STPG2: variants seen among roughly 807,000 people sequenced by gnomAD.
STPG2 encodes sperm tail PG-rich repeat containing 2, also known as sperm-tail PG-rich repeat-containing protein 2.
Under a neutral mutation model 54.2 loss-of-function variants are expected in STPG2, and 56 were observed. The observed-to-expected ratio is 1.03, with a 90% CI of 0.83 to 1.29. The LOEUF is 1.29. Ranked by LOEUF, STPG2 falls within the 50% of genes most tolerant of loss-of-function variation. STPG2 has a pLI of 0.00. For synonymous variants in STPG2, 200 were observed against 181.8 expected (o/e 1.10, Z -0.81); for missense variants, 596 against 544.9 (o/e 1.09, Z -0.93).
chr4:97,746,416 A>T (rs1180592455), intron 9 of STPG2, among the ~76,000 whole-genome samples: 1 of 151,304 alleles, frequency 6.6e-6, no homozygotes, highest in Non-Finnish European at 1.5e-5. Flanking sequence ...TCACAATGTG[A>T]TTATCTGACT....
At chr4:98,083,984 G>A (rs1307892257) in intron 5 of STPG2, among the ~76,000 whole-genome samples, 1 of 152,032 alleles carries the variant, frequency 6.6e-6, no homozygotes, top group African/African-American at 2.4e-5. Context: ...CTCCCAAGCA[G>A]CTGAGACTAC....
intron 9 of STPG2, among the ~76,000 whole-genome samples, chr4:97,819,551 T>C (rs537928644): frequency 2.0e-5 from 3 of 152,248 alleles, no homozygotes; most frequent in African/African-American, 7.2e-5. Context: ...CAGTACCTGA[T>C]AGGTTAAGCC....
At chr4:97,988,797 G>T (rs112186264) in intron 5 of STPG2, among the ~76,000 whole-genome samples, 3 of 152,262 alleles carry the variant, frequency 2.0e-5, no homozygotes, top group African/African-American at 7.2e-5. Flanking sequence ...GTAGAGATGG[G>T]TTTTTGCCAT....
intron 10 of STPG2, among the ~76,000 whole-genome samples, chr4:97,695,135 G>A (rs968614384): frequency 3.4e-5 from 5 of 146,326 alleles, no homozygotes; most frequent in South Asian, 2.2e-4. Context: ...ATATAAAAAA[G>A]ATAATCCACC....
At position 97,962,621 on chromosome 4, in the gene STPG2, T is replaced by C. The variant is rs558912267; in HGVS notation, c.933+9659A>G. 2.6e-5 allele frequency among the ~76,000 whole-genome samples: 4 copies of C among 152,308 alleles called. No individual in the cohort carries two copies. In the East Asian group the frequency reaches 7.7e-4, roughly 29 times the overall value. On this transcript the variant is annotated intron_variant, in intron 7 of 10. Coordinates refer to ENST00000295268, the MANE Select transcript of STPG2 (RefSeq NM_174952.3). The stretch of plus-strand genomic sequence containing the variant: ...GATAGTTTTAAATTGTCAACAAGAA[T>C]AGCAAATTTACTGAGTCCTTACTGT...
rs796900264 is a variant in STPG2, at chr4:98,130,370, G to T, written c.223-1778C>A. 1.8e-4 allele frequency among the ~76,000 whole-genome samples: 28 copies of T among 152,056 alleles called. 1 individual carries two copies. Among genetic ancestry groups the T allele is most frequent in the African/African-American group, 6.0e-4 (25 of 41,480 alleles). On this transcript the variant is annotated intron_variant, in intron 2 of 10. Coordinates refer to ENST00000295268, the MANE Select transcript of STPG2 (RefSeq NM_174952.3). ...TTTGTAGTTTTTTAGTAGAGACAGG[G>T]TTTCACCATGTTGGCCTGGCTAGTC...
chr4:97,476,578 G>A (rs1482044268), intron 4 of STPG2, among the ~76,000 whole-genome samples: 1 of 152,094 alleles, frequency 6.6e-6, no homozygotes, highest in African/African-American at 2.4e-5. Flanking sequence ...GGATATCACT[G>A]TATCCATCCA....
At chr4:97,923,617 A>G (rs1183948457) in intron 8 of STPG2, among the ~76,000 whole-genome samples, 1 of 152,182 alleles carries the variant, frequency 6.6e-6, no homozygotes, top group Non-Finnish European at 1.5e-5. Flanking sequence ...AAGGTTTGTA[A>G]ATGCACCAAT....
intron 10 of STPG2, among the ~76,000 whole-genome samples, chr4:97,634,939 T>A (rs922541383): frequency 6.6e-6 from 1 of 152,146 alleles, no homozygotes; most frequent in Admixed American, 6.5e-5. Flanking sequence ...CAGGAGAATT[T>A]CCCCAATCTA....
At chr4:97,810,718 A>T (rs904382068) in intron 9 of STPG2, among the ~76,000 whole-genome samples, 2 of 152,142 alleles carry the variant, frequency 1.3e-5, no homozygotes, top group African/African-American at 4.8e-5. Flanking sequence ...CATGCATCTC[A>T]TAATGACAAT....
chr4:97,592,717 G>A (rs1191661989), intron 10 of STPG2, among the ~76,000 whole-genome samples: 1 of 152,098 alleles, frequency 6.6e-6, no homozygotes, highest in African/African-American at 2.4e-5. Context: ...GGGCTACTGT[G>A]CACCAGAACT....
intron 9 of STPG2, 129 bp from the exon 10 acceptor site, chr4:97,712,943 T>G (rs1264275002): frequency 5.7e-5 from 30 of 523,116 alleles, no homozygotes. Flanking sequence ...CCCATTGTTT[T>G]TGAATGCTTA....
rs1360314026 is a variant in STPG2, at chr4:98,134,199, TTATTTTC to T, written c.222+141_222+147del. ...ATCATGCAACCAACATTGAATAAATTTATTTTCTATTATTCAAATTATAAAATATAAA... is the reference window on the plus strand; with the variant it reads ...ATCATGCAACCAACATTGAATAAATTTATTATTCAAATTATAAAATATAAA... On this transcript the variant is annotated intron_variant, in intron 2 of 10. Transcript: ENST00000295268. 6.3e-5 allele frequency: 23 copies of T among 366,368 alleles called. No individual in the cohort carries two copies. The East Asian group carries it at 1.0e-3, about 16-fold the overall frequency. The allele number at this position is 366,368 out of a possible 1,614,324, so 22.7% of individuals were successfully genotyped here.
rs1303002728 is a variant in STPG2, at chr4:98,124,772, T to C, written c.387+3656A>G. On this transcript the variant is annotated intron_variant, in intron 3 of 10. Transcript: ENST00000295268. ...TAGGATGATATCCCAAGGTATGTTT[T>C]CCAACTTGGTTCCATTCTCCCCATC... 2.0e-5 allele frequency among the ~76,000 whole-genome samples: 3 copies of C among 152,346 alleles called. No homozygotes were observed. The East Asian group carries it at 5.8e-4, about 29-fold the overall frequency.
intron 9 of STPG2, among the ~76,000 whole-genome samples, chr4:97,746,629 G>C (rs893581405): frequency 1.3e-5 from 2 of 151,200 alleles, no homozygotes; most frequent in Admixed American, 6.6e-5. Flanking sequence ...AATCTAGTCA[G>C]CTAAATCACA....
chr4:97,803,715 A>G (rs889692592), intron 9 of STPG2, among the ~76,000 whole-genome samples: 1 of 152,030 alleles, frequency 6.6e-6, no homozygotes, highest in African/African-American at 2.4e-5. Flanking sequence ...TAATTTTTGT[A>G]TTTTTAGTAG....
chr4:97,740,581 G>A (rs1725191500), intron 9 of STPG2, among the ~76,000 whole-genome samples: 1 of 152,058 alleles, frequency 6.6e-6, no homozygotes, highest in Non-Finnish European at 1.5e-5. Flanking sequence ...GACAAACAGA[G>A]AGCCAAATCA....
At chr4:97,975,105 C>G (rs960539588) in intron 6 of STPG2, among the ~76,000 whole-genome samples, 4 of 152,056 alleles carry the variant, frequency 2.6e-5, no homozygotes, top group Admixed American at 2.6e-4. Context: ...ATCATAGCAG[C>G]AGAAACAGTT....
intron 9 of STPG2, among the ~76,000 whole-genome samples, chr4:97,772,544 G>T (rs1327267142): frequency 6.6e-6 from 1 of 152,068 alleles, no homozygotes; most frequent in Non-Finnish European, 1.5e-5. Flanking sequence ...TCAAAAAACA[G>T]TATTTGTATA....
Sources: gnomAD v4.1 joint callset for allele counts (sites outside exome capture counted in the v4.1 genomes callset) on GRCh38, gnomAD v4.1.1 for gene constraint, MANE v1.5 for transcripts, NCBI Gene and HGNC (gene_info 2026-07-23, HGNC 2026-07-21) for gene names.